Variants in RAPGEF6 observed in about 807,000 individuals in gnomAD.
RAPGEF6 encodes the protein Rap guanine nucleotide exchange factor 6.
Under a neutral mutation model 171.4 loss-of-function variants are expected in RAPGEF6, and 56 were observed. The ratio of observed to expected loss-of-function variants is 0.33; its 90% CI spans 0.26 to 0.41. RAPGEF6 has a LOEUF of 0.41. RAPGEF6 is among the 10% of genes least tolerant of loss of function. The probability of loss-of-function intolerance (pLI) is 1.00; values close to 1 mark genes in which losing one functional copy is unlikely to be tolerated. For synonymous variants in RAPGEF6, 692 were observed against 650.1 expected, an observed-to-expected ratio of 1.06 and a Z score of -0.98; for missense variants, 1,674 against 1,921.4, an observed-to-expected ratio of 0.87 and a Z score of 2.41.
In RAPGEF6 at chr5:131,510,302, T is replaced by C; in HGVS notation, c.805+12A>G. ...GTTACAAATTCTTATTGTGAACACATATATTTCTTACCAATGTCATCATCA... is the reference window on the plus strand; with the variant it reads ...GTTACAAATTCTTATTGTGAACACACATATTTCTTACCAATGTCATCATCA... On this transcript the variant is annotated intron_variant, in intron 8 of 27. Transcript: ENST00000509018. 2 of 1,607,448 alleles carry C rather than the reference T, an allele frequency of 1.2e-6. No individual in the cohort carries two copies. The highest frequency in any genetic ancestry group is 1.1e-5 in the South Asian group (1 of 89,878).
intron 1 of RAPGEF6, among the ~76,000 whole-genome samples, chr5:131,614,302 AG>A (rs1214022370): frequency 5.3e-4 from 68 of 128,518 alleles, no homozygotes; most frequent in African/African-American, 1.8e-3. Flanking sequence ...AAAAAAAAAA[AG>A]AAAGAAAGAA....
intron 14 of RAPGEF6, among the ~76,000 whole-genome samples, chr5:131,491,937 G>A (rs1756309838): frequency 2.0e-5 from 3 of 152,180 alleles, no homozygotes; most frequent in Non-Finnish European, 4.4e-5. Flanking sequence ...TGGGCAATAT[G>A]ACTAACAGGA....
At chr5:131,490,687 C>G (rs2149872225) in intron 14 of RAPGEF6, among the ~76,000 whole-genome samples, 1 of 152,248 alleles carries the variant, frequency 6.6e-6, no homozygotes, top group South Asian at 2.1e-4. Flanking sequence ...ATGTTACGCT[C>G]TATTGAACAC....
rs555738571 is a variant in RAPGEF6, at chr5:131,635,081, T to C, written c.-51A>G. On this transcript the variant is annotated 5_prime_UTR_variant, in exon 1 of 28. Transcript: ENST00000509018. ...CTGCCCTTAGCAGCCCACGCCACAG[T>C]TCATTCACACTAGGTAGCGGGTGCG... 2 of 1,542,590 alleles carry C rather than the reference T, an allele frequency of 1.3e-6. No individual in the cohort carries two copies. Among genetic ancestry groups the C allele is most frequent in the Admixed American group, 3.7e-5 (2 of 54,600 alleles).
Position 131,462,013 on chromosome 5 carries a change from G to C in RAPGEF6, c.2556C>G (p.Ser852Arg). 6.2e-7 allele frequency: 1 copy of C among 1,613,698 alleles called. No homozygotes were observed. ...TACTGAGCTGCAGCATGGATAGCTG[G>C]CTTTCCTTAACTAGTTCTTGAGCAT... is the stretch of plus-strand genomic sequence containing the variant. ...DEDAQELVKE[S>R]QLSMLQLSTI... is the part of the protein sequence containing the mutation. Residue 852 changes from serine (S) to arginine (R), a missense_variant, in exon 19 of 28, where the codon AGC (serine) becomes AGG (arginine). By Grantham distance (110) the Ser-to-Arg change is moderately radical. Around this residue, in one of 3 missense-constraint regions of RAPGEF6, gnomAD observed 1,116 missense variants for 1,321.5 expected, o/e 0.84. Transcript: ENST00000509018.
At chr5:131,471,812 A>G (rs776038271) in intron 17 of RAPGEF6, among the ~76,000 whole-genome samples, 72 of 152,310 alleles carry the variant, frequency 4.7e-4, no homozygotes, top group Middle Eastern at 3.4e-3. Context: ...TAACGCTCTG[A>G]TAACAATACA....
At position 131,592,485 on chromosome 5, in the gene RAPGEF6, A is replaced by G; in HGVS notation, c.198-19T>C. ...TTCTGAACTGTTTAAATAAATAAGTAAATAAATGAGCAAAACAACACACAT... is the reference window on the plus strand; with the variant it reads ...TTCTGAACTGTTTAAATAAATAAGTGAATAAATGAGCAAAACAACACACAT... On this transcript the variant is annotated intron_variant, in intron 3 of 27. Transcript: ENST00000509018. 1 of 1,608,586 alleles carries G rather than the reference A, an allele frequency of 6.2e-7. No individual in the cohort carries two copies. The highest frequency in any genetic ancestry group is 2.3e-5 in the East Asian group (1 of 44,390).
chr5:131,505,552 C>G (rs1315250543), intron 9 of RAPGEF6, 30 bp from the exon 10 acceptor site: 1 of 1,576,938 alleles, frequency 6.3e-7, no homozygotes, highest in East Asian at 2.2e-5. Flanking sequence ...TTTTATGAAT[C>G]TTTTTAAAAA....
chr5:131,582,813 A>C (rs1763041906), intron 4 of RAPGEF6, among the ~76,000 whole-genome samples: 3 of 152,260 alleles, frequency 2.0e-5, no homozygotes, highest in African/African-American at 7.2e-5. Context: ...ACTTCATAAA[A>C]GATATGAATT....
intron 4 of RAPGEF6, among the ~76,000 whole-genome samples, chr5:131,582,339 G>A (rs753095293): frequency 3.3e-5 from 5 of 152,182 alleles, no homozygotes; most frequent in African/African-American, 4.8e-5. Context: ...CAATCCAGAA[G>A]AGAAAAAATA....
chr5:131,443,922 G>A (rs1752533551), intron 22 of RAPGEF6, among the ~76,000 whole-genome samples: 2 of 152,122 alleles, frequency 1.3e-5, no homozygotes, highest in South Asian at 4.1e-4. Flanking sequence ...TAAATCCATA[G>A]GTTTTCTGAA....
chr5:131,583,972 A>G (rs148576175), intron 4 of RAPGEF6, among the ~76,000 whole-genome samples: 1 of 152,368 alleles, frequency 6.6e-6, no homozygotes, highest in East Asian at 1.9e-4. Context: ...CAAAAATTTT[A>G]TAACATGTAA....
At chr5:131,606,930 CG>C (rs1229038416) in intron 1 of RAPGEF6, among the ~76,000 whole-genome samples, 4 of 152,122 alleles carry the variant, frequency 2.6e-5, no homozygotes, top group African/African-American at 9.7e-5. Flanking sequence ...TGAGGCTCTA[CG>C]GGGTAAAAGC....
chr5:131,464,032 C>A lies in RAPGEF6; in HGVS notation c.2480+9G>T. On this transcript the variant is annotated intron_variant, in intron 18 of 27. Transcript: ENST00000509018. ...ACAAATAAGCACATCCACTAATAAG[C>A]TTATTCACCTTCCATTGAGTTGAAT... is the stretch of plus-strand genomic sequence containing the variant. The A allele has an allele frequency of 6.3e-7, 1 of 1,577,690 alleles. No homozygotes were observed. The highest frequency in any genetic ancestry group is 1.2e-5 in the South Asian group (1 of 85,982).
intron 17 of RAPGEF6, among the ~76,000 whole-genome samples, chr5:131,465,635 T>C (rs138109449): frequency 0.02 from 3,057 of 152,074 alleles, 105 homozygotes; most frequent in African/African-American, 0.07. Flanking sequence ...TTTTAAAAAT[T>C]AGCTGGGTGT....
chr5:131,462,556 G>A (rs1297998508), intron 18 of RAPGEF6, among the ~76,000 whole-genome samples: 1 of 152,184 alleles, frequency 6.6e-6, no homozygotes, highest in Non-Finnish European at 1.5e-5. Context: ...ATTTCCAAGT[G>A]AAGCAAGAGG....
At chr5:131,586,446 A>G (rs548916033) in intron 4 of RAPGEF6, among the ~76,000 whole-genome samples, 1 of 152,156 alleles carries the variant, frequency 6.6e-6, no homozygotes, top group Non-Finnish European at 1.5e-5. Context: ...TGAGGCCAGC[A>G]GTGGTGAAAC....
chr5:131,544,614 T>C (rs896971870), intron 6 of RAPGEF6, among the ~76,000 whole-genome samples: 1 of 152,248 alleles, frequency 6.6e-6, no homozygotes, highest in Admixed American at 6.5e-5. Context: ...AATCATAATC[T>C]TGAATACGGT....
intron 17 of RAPGEF6, chr5:131,469,766 G>A (rs1040989593): frequency 3.3e-5 from 47 of 1,421,954 alleles, no homozygotes; most frequent in Middle Eastern, 3.7e-4. Flanking sequence ...ATACAAACAA[G>A]GGCAATAGAA....
Sources: gnomAD v4.1 joint callset for allele counts (sites outside exome capture counted in the v4.1 genomes callset) on GRCh38, gnomAD v4.1.1 for gene constraint, gnomAD v4.1.1 regional missense constraint, MANE v1.5 for transcripts, NCBI Gene and HGNC (gene_info 2026-07-23, HGNC 2026-07-21) for gene names.